HDC: variants seen among roughly 807,000 people sequenced by gnomAD.
The protein encoded by HDC is histidine decarboxylase.
In HDC, 27 loss-of-function variants were observed where a neutral mutation model predicts 64.4. The ratio of observed to expected loss-of-function variants is 0.42; its 90% CI spans 0.31 to 0.58. HDC has a LOEUF of 0.58. HDC is among the 20% of genes least tolerant of loss of function. The pLI, the probability that HDC is intolerant of heterozygous loss-of-function variation, is 0.16. For synonymous variants in HDC, 305 were observed against 314.2 expected, an observed-to-expected ratio of 0.97 and a Z score of 0.31; for missense variants, 711 against 833.9, an observed-to-expected ratio of 0.85 and a Z score of 1.81.
rs1245990043 is a variant in HDC at position 50,242,422 on chromosome 15, G to A, written c.1827C>T (p.Ser609=). The A allele has an allele frequency of 6.2e-7, 1 of 1,614,030 alleles. No homozygotes were observed. The highest frequency in any genetic ancestry group is 2.2e-5 in the East Asian group (1 of 44,898). ...PTEASVKNGG[S]SRVRIFSRFP... is the part of the protein sequence containing the mutation. ...ACCTGGAAAAGATTCTGACCCTGGA[G>A]GAGCCCCCATTCTTCACAGAGGCCT... The change falls in exon 12 of 12, where the codon TCC becomes TCT. Residue 609 remains serine, a synonymous_variant. Transcript: ENST00000267845.
chr15:50,248,814 G>A lies in HDC; in HGVS notation c.1042-471C>T, dbSNP rs1185618254. 6.6e-6 allele frequency among the ~76,000 whole-genome samples: 1 copy of A among 152,206 alleles called. No homozygotes were observed. The highest frequency in any genetic ancestry group is 2.4e-5 in the African/African-American group (1 of 41,438). ...GCAGACCTAGGTTTCGCCTCCAGCT[G>A]TGCCACTTACTAGCTGTGTGACCTT... is the stretch of plus-strand genomic sequence containing the variant. On this transcript the variant is annotated intron_variant, in intron 9 of 11. Coordinates refer to ENST00000267845, the MANE Select transcript of HDC (RefSeq NM_002112.4). This position sits in a 1 kb window ranked among gnomAD's most constrained non-coding sequence, Gnocchi z 4.3.
At position 50,257,504 on chromosome 15, in the gene HDC, T is replaced by A. The variant is rs1288277759; in HGVS notation, c.362A>T (p.Asp121Val). 3.1e-6 allele frequency: 5 copies of A among 1,614,204 alleles called. No individual in the cohort carries two copies. Among genetic ancestry groups the A allele is most frequent in the Non-Finnish European group, 4.2e-6 (5 of 1,180,018 alleles). ...AAGTCCCAGCATTTTTGCCAACCAGTCCATGACGTTCATCTCCAGCTCTGT... is the reference window on the plus strand; with the variant it reads ...AAGTCCCAGCATTTTTGCCAACCAGACCATGACGTTCATCTCCAGCTCTGT... Reference protein sequence around the residue: ...ACTELEMNVMDWLAKMLGLPE... With the variant: ...ACTELEMNVMVWLAKMLGLPE... Residue 121 changes from aspartate to valine, a missense_variant, in exon 4 of 12, where the codon GAC becomes GTC. Physicochemically the swap from Asp to Val is radical, Grantham distance 152. Coordinates refer to ENST00000267845, the MANE Select transcript of HDC (RefSeq NM_002112.4).
intron 2 of HDC, among the ~76,000 whole-genome samples, chr15:50,261,513 G>A (rs945391674): frequency 6.6e-6 from 1 of 151,914 alleles, no homozygotes; most frequent in Admixed American, 6.6e-5. Context: ...AGGCGTAGTG[G>A]CTTAGGCCTC....
intron 4 of HDC, 72 bp from the exon 5 acceptor site, chr15:50,254,736 TTTTC>T (rs1555503911): frequency 0.12 from 141,109 of 1,180,090 alleles, 10,218 homozygotes; most frequent in East Asian, 0.26. Context: ...CTTTCTAGTT[TTTTC>T]TCTCTCTCTC....
Position 50,243,163 on chromosome 15 carries a change from G to C in HDC, c.1222C>G (p.Leu408Val), listed in dbSNP as rs755522711. ...FEIPAKRHLG[L>V]VVFRLKGPNC... Reference sequence around the variant, plus strand: ...ATTACCTTTAGACGAAAAACCACCAGGCCAAGGTGCCTCTTGGCAGGAATT... The same window carrying C: ...ATTACCTTTAGACGAAAAACCACCACGCCAAGGTGCCTCTTGGCAGGAATT... The change falls in exon 11 of 12, where the codon CTG becomes GTG. Residue 408 changes from leucine (L) to valine (V), a missense_variant. This residue lies in a region of HDC where 483 missense variants were observed against 540.9 expected (regional missense o/e 0.89). Transcript: ENST00000267845. 6.2e-7 allele frequency: 1 copy of C among 1,613,500 alleles called. No homozygotes were observed. The highest frequency in any genetic ancestry group is 1.1e-5 in the South Asian group (1 of 91,078).
At position 50,242,612 on chromosome 15, in the gene HDC, A is replaced by T; in HGVS notation, c.1637T>A (p.Leu546Gln). Residue 546 changes from leucine (L) to glutamine (Q), a missense_variant, in exon 12 of 12, where the codon CTG becomes CAG. This residue lies in a region of HDC where 483 missense variants were observed against 540.9 expected (regional missense o/e 0.89). Transcript: ENST00000267845. ...TGAAAAGCAGTCATCAACTGGGTCC[A>T]GCAGGGTTTCAAGATGGAGGCCATT... ...RENGLHLETL[L>Q]DPVDDCFSEE... The T allele has an allele frequency of 6.2e-7, 1 of 1,614,216 alleles. No homozygotes were observed. The highest frequency in any genetic ancestry group is 8.5e-7 in the Non-Finnish European group (1 of 1,180,040).
At position 50,248,887 on chromosome 15, in the gene HDC, A is replaced by G. The variant is rs2045517891; in HGVS notation, c.1042-544T>C. On this transcript the variant is annotated intron_variant, in intron 9 of 11. Transcript: ENST00000267845. This position sits in a 1 kb window ranked among gnomAD's most constrained non-coding sequence, Gnocchi z 4.3. ...CATCAGTCCGGGACATAAAGAACCA[A>G]TTGCACCTCCCGGGCAAGTGGTGTG... Among the ~76,000 whole-genome samples, 5 of 152,222 alleles carry G rather than the reference A, an allele frequency of 3.3e-5. No individual in the cohort carries two copies. In the South Asian group the frequency reaches 8.3e-4, roughly 25 times the overall value.
intron 2 of HDC, among the ~76,000 whole-genome samples, chr15:50,259,280 A>G (rs1200010296): frequency 3.3e-5 from 5 of 152,198 alleles, no homozygotes; most frequent in African/African-American, 1.2e-4. Context: ...CTCCCTGAGC[A>G]TGCAACTCAG....
In HDC at chr15:50,252,727, T is replaced by C. The variant is rs2045574237; in HGVS notation, c.835A>G (p.Thr279Ala). The change falls in exon 8 of 12, where the codon ACT becomes GCT. Residue 279 changes from threonine to alanine, a missense_variant. This residue lies in a region of HDC where 483 missense variants were observed against 540.9 expected (regional missense o/e 0.89). Coordinates refer to ENST00000267845, the MANE Select transcript of HDC (RefSeq NM_002112.4). ...WLHIDAAYAG[T>A]AFLCPEFRGF... is the part of the protein sequence containing the mutation. ...CGGAACTCGGGGCACAGGAAGGCAG[T>C]GCCTGCATAAGCAGCATCGATGTGG... The C allele has an allele frequency of 5.0e-6, 8 of 1,614,012 alleles. No individual in the cohort carries two copies. The highest frequency in any genetic ancestry group is 6.8e-6 in the Non-Finnish European group (8 of 1,179,994).
intron 6 of HDC, 23 bp downstream of exon 6, chr15:50,254,107 C>T (rs2140935138): frequency 2.5e-6 from 4 of 1,613,814 alleles, no homozygotes; most frequent in Non-Finnish European, 3.4e-6. Flanking sequence ...TCATTCTAAG[C>T]TTAGGCATAT....
rs1202416679 is a variant in HDC, at chr15:50,243,908, C to T, written c.1141-664G>A. Among the ~76,000 whole-genome samples the T allele has an allele frequency of 3.3e-5, 5 of 152,196 alleles. No individual in the cohort carries two copies. In the East Asian group the frequency reaches 5.8e-4, roughly 18 times the overall value. On this transcript the variant is annotated intron_variant, in intron 10 of 11. Transcript: ENST00000267845. Reference sequence around the variant, plus strand: ...TTCTGCTCGGGATGATGAAAAAATTCTGGAAATAATGGTGATGGTCACACC... The same window carrying T: ...TTCTGCTCGGGATGATGAAAAAATTTTGGAAATAATGGTGATGGTCACACC...
intron 9 of HDC, among the ~76,000 whole-genome samples, chr15:50,250,996 T>C (rs2045546911): frequency 6.6e-6 from 1 of 152,172 alleles, no homozygotes; most frequent in South Asian, 2.1e-4. Flanking sequence ...ACTTCAGTTG[T>C]CCAAGAAGAT....
At position 50,242,793 on chromosome 15, in the gene HDC, G is replaced by A. The variant is rs778709808; in HGVS notation, c.1456C>T (p.Arg486Trp). ...SQHCTSQPSP[R>W]VGNLISQIRG... ...ATTTGGGAGATGAGGTTCCCAACCC[G>A]AGGGCTGGGTTGGGAAGTACAGTGC... Residue 486 changes from arginine (R) to tryptophan (W), a missense_variant, in exon 12 of 12, where the codon CGG becomes TGG. By Grantham distance (101) the Arg-to-Trp change is moderately radical (BLOSUM62 -3). This residue lies in a region of HDC where 483 missense variants were observed against 540.9 expected (regional missense o/e 0.89). Coordinates refer to ENST00000267845, the MANE Select transcript of HDC (RefSeq NM_002112.4). The A allele has an allele frequency of 4.8e-5, 78 of 1,613,836 alleles. No homozygotes were observed. Among genetic ancestry groups the A allele is most frequent in the Admixed American group, 8.3e-5 (5 of 60,000 alleles).
intron 8 of HDC, 21 bp downstream of exon 8, chr15:50,252,591 G>C (rs1356825247): frequency 1.2e-6 from 2 of 1,614,152 alleles, no homozygotes; most frequent in South Asian, 1.1e-5. Flanking sequence ...TGCGTGCTCG[G>C]AGCTGGGCTG....
At chr15:50,258,377 C>T (rs377022175) in intron 3 of HDC, 27 bp downstream of exon 3, 10 of 1,304,804 alleles carry the variant, frequency 7.7e-6, no homozygotes, top group African/African-American at 4.4e-5. Context: ...TTCCCCATTG[C>T]GAGTAGTTAC....
intron 5 of HDC, 41 bp from the exon 6 acceptor site, chr15:50,254,314 G>A (rs375351735): frequency 1.1e-5 from 17 of 1,611,802 alleles, no homozygotes; most frequent in Non-Finnish European, 1.4e-5. Flanking sequence ...GAGTCATCCT[G>A]GAATGATCAC....
In HDC at chr15:50,242,085, C is replaced by T. The variant is rs766620037; in HGVS notation, c.*175G>A. 9 of 666,158 alleles carry T rather than the reference C, an allele frequency of 1.4e-5. No homozygotes were observed. The highest frequency in any genetic ancestry group is 2.4e-5 in the Admixed American group (1 of 41,740). 41.3% of individuals were successfully genotyped at this position (666,158 alleles called of 1,614,324 possible). A position where few individuals can be genotyped will look rare whatever the true frequency, so the allele number is the denominator to read the frequency against. On this transcript the variant is annotated 3_prime_UTR_variant, in exon 12 of 12. Transcript: ENST00000267845. Reference sequence around the variant, plus strand: ...CCCATCTGGATCATGCTGGCTTAAACTCTTCGTTTGTATCCTATTGTGGGT... The same window carrying T: ...CCCATCTGGATCATGCTGGCTTAAATTCTTCGTTTGTATCCTATTGTGGGT...
At chr15:50,260,359 T>G (rs925692983) in intron 2 of HDC, among the ~76,000 whole-genome samples, 1 of 152,124 alleles carries the variant, frequency 6.6e-6, no homozygotes, top group African/African-American at 2.4e-5. Context: ...TCTCAAAAAG[T>G]GTTTACAGTA....
rs767552582 is a variant in HDC, at chr15:50,265,668, G to A, written c.-45C>T. ...CTTCTCACAGATGGACACGCAGGAG[G>A]TGGAAGGCGTGAAAGGCGTGGAGCA... On this transcript the variant is annotated 5_prime_UTR_variant, in exon 1 of 12. Transcript: ENST00000267845. 6.2e-7 allele frequency: 1 copy of A among 1,602,506 alleles called. No individual in the cohort carries two copies. Among genetic ancestry groups the A allele is most frequent in the Non-Finnish European group, 8.5e-7 (1 of 1,169,632 alleles).
Sources: allele counts gnomAD v4.1 joint callset (sites outside exome capture counted in the v4.1 genomes callset), GRCh38; gene constraint gnomAD v4.1.1; regional missense constraint gnomAD v4.1.1; non-coding constraint Gnocchi (gnomAD v3.1); transcripts MANE v1.5; gene names NCBI Gene and HGNC (gene_info 2026-07-23, HGNC 2026-07-21).